NBEA: variants seen among roughly 807,000 people sequenced by gnomAD.
NBEA encodes the protein neurobeachin.
In NBEA, 44 loss-of-function variants were observed where a neutral mutation model predicts 343.4. The observed-to-expected ratio is 0.13, with a 90% CI of 0.10 to 0.16. The LOEUF (loss-of-function observed/expected upper bound fraction) is 0.16. Ranked by LOEUF, NBEA falls within the 10% of genes least tolerant of loss-of-function variation. The pLI, the probability that NBEA is intolerant of heterozygous loss-of-function variation, is 1.00. For missense variants in NBEA, 2,555 were observed against 3,631.3 expected (o/e 0.70, Z 7.62); for synonymous variants, 1,175 against 1,238.7 (o/e 0.95, Z 1.08).
Position 35,468,108 on chromosome 13 carries a change from A to ACCCC in NBEA, c.6449-4285_6449-4282dup, listed in dbSNP as rs1346379931. Among the ~76,000 whole-genome samples, 116 of 81,286 alleles carry ACCCC rather than the reference A, an allele frequency of 1.4e-3. 2 individuals are homozygous for ACCCC. Among genetic ancestry groups the ACCCC allele is most frequent in the Middle Eastern group, 7.6e-3 (1 of 132 alleles). The allele number at this position is 81,286 out of a possible 152,430, so 53.3% of individuals were successfully genotyped here. On this transcript the variant is annotated intron_variant, in intron 40 of 58. Coordinates refer to ENST00000379939, the MANE Select transcript of NBEA (RefSeq NM_001385012.1). ...GTACCCCCTCCTGAAAATGATTTAC[A>ACCCC]CCCCCCCCCCACTCCCCTCCCCTGA... is the stretch of plus-strand genomic sequence containing the variant.
At chr13:34,977,127 A>G (rs1248687705) in intron 1 of NBEA, among the ~76,000 whole-genome samples, 1 of 151,626 alleles carries the variant, frequency 6.6e-6, no homozygotes. Flanking sequence ...TTTAGTAGAG[A>G]TGATATTTCT....
intron 45 of NBEA, among the ~76,000 whole-genome samples, chr13:35,581,454 C>G (rs1045258652): frequency 1.1e-4 from 16 of 151,810 alleles, no homozygotes; most frequent in African/African-American, 3.6e-4. Flanking sequence ...CCTTCGCCCA[C>G]TTTTTGATGG....
intron 38 of NBEA, among the ~76,000 whole-genome samples, chr13:35,388,855 C>T (rs1397510888): frequency 6.6e-6 from 1 of 152,136 alleles, no homozygotes; most frequent in Non-Finnish European, 1.5e-5. Context: ...ATTTTCTCCT[C>T]ATAATTCTAT....
chr13:35,338,252 G>A (rs930393409), intron 36 of NBEA, among the ~76,000 whole-genome samples: 190 of 151,612 alleles, frequency 1.3e-3, no homozygotes, highest in Non-Finnish European at 1.6e-3. Context: ...CACTAAAATC[G>A]GGAATGAAAG....
At chr13:35,425,880 T>C (rs371239550) in intron 38 of NBEA, among the ~76,000 whole-genome samples, 2 of 152,208 alleles carry the variant, frequency 1.3e-5, no homozygotes, top group Non-Finnish European at 2.9e-5. Flanking sequence ...CTTGTTGAAT[T>C]GATCCCTTTA....
At chr13:35,455,613 T>G (rs114181139) in intron 40 of NBEA, among the ~76,000 whole-genome samples, 226 of 152,260 alleles carry the variant, frequency 1.5e-3, no homozygotes, top group African/African-American at 5.3e-3. Context: ...AAAACTATTT[T>G]CCTTATAGCT....
intron 41 of NBEA, among the ~76,000 whole-genome samples, chr13:35,539,748 C>G (rs71438067): frequency 1.9e-4 from 29 of 150,860 alleles, no homozygotes; most frequent in African/African-American, 6.6e-4. Context: ...AACCCCGTCT[C>G]TACTAAAAAT....
intron 41 of NBEA, among the ~76,000 whole-genome samples, chr13:35,484,370 T>C (rs1406714839): frequency 6.6e-6 from 1 of 151,552 alleles, no homozygotes; most frequent in Admixed American, 6.6e-5. Flanking sequence ...AACCTTAACC[T>C]GCATTTGATA....
intron 38 of NBEA, among the ~76,000 whole-genome samples, chr13:35,404,201 C>T (rs1289883711): frequency 6.6e-6 from 1 of 152,044 alleles, no homozygotes; most frequent in Non-Finnish European, 1.5e-5. Flanking sequence ...GTGGCGATTC[C>T]TCAGGGATCT....
chr13:35,369,263 T>C (rs1350777471), intron 38 of NBEA, among the ~76,000 whole-genome samples: 1 of 151,194 alleles, frequency 6.6e-6, no homozygotes, highest in Non-Finnish European at 1.5e-5. Context: ...TTCTGTTCCA[T>C]TGGTCTATGC....
intron 1 of NBEA, among the ~76,000 whole-genome samples, chr13:35,025,894 AGTT>A (rs1566179299): frequency 6.6e-6 from 1 of 151,990 alleles, no homozygotes; most frequent in Non-Finnish European, 1.5e-5. Flanking sequence ...TGACATGCTG[AGTT>A]GTTTGGAAAA....
chr13:35,020,432 G>A (rs1228324851), intron 1 of NBEA, among the ~76,000 whole-genome samples: 1 of 151,896 alleles, frequency 6.6e-6, no homozygotes, highest in Non-Finnish European at 1.5e-5. Flanking sequence ...TTTCTTGTAC[G>A]CTTTTAGAAG....
At chr13:35,406,978 T>C (rs1278134544) in intron 38 of NBEA, among the ~76,000 whole-genome samples, 2 of 150,744 alleles carry the variant, frequency 1.3e-5, no homozygotes, top group Admixed American at 6.6e-5. Flanking sequence ...TTTTTTTTTT[T>C]AGACAGAGTC....
chr13:35,335,685 TATTAATGTTA>T (rs939464972), intron 36 of NBEA, among the ~76,000 whole-genome samples: 2 of 151,734 alleles, frequency 1.3e-5, no homozygotes, highest in Admixed American at 6.6e-5. Context: ...ATTACACATA[TATTAATGTTA>T]ATTAATGTTA....
At chr13:35,140,131 T>A (rs2068005979) in intron 17 of NBEA, among the ~76,000 whole-genome samples, 1 of 151,954 alleles carries the variant, frequency 6.6e-6, no homozygotes, top group Admixed American at 6.6e-5. Flanking sequence ...ATTCTCCCCT[T>A]CTTGAGTAAC....
At chr13:35,204,260 AC>A (rs2073222533) in intron 31 of NBEA, among the ~76,000 whole-genome samples, 1 of 152,116 alleles carries the variant, frequency 6.6e-6, no homozygotes, top group South Asian at 2.1e-4. Flanking sequence ...ATGATCTGTG[AC>A]TGTATTAGTT....
chr13:35,358,266 T>G (rs1205572749), intron 38 of NBEA, among the ~76,000 whole-genome samples: 1 of 151,092 alleles, frequency 6.6e-6, no homozygotes, highest in Non-Finnish European at 1.5e-5. Context: ...TCAAGTGATC[T>G]GCCCGCCTCA....
At chr13:35,487,267 T>G (rs192667437) in intron 41 of NBEA, among the ~76,000 whole-genome samples, 332 of 152,054 alleles carry the variant, frequency 2.2e-3, no homozygotes, top group Non-Finnish European at 3.0e-3. Flanking sequence ...TAAAGACTAT[T>G]TTATGTACTG....
chr13:35,470,329 A>G (rs1193225731), intron 40 of NBEA, among the ~76,000 whole-genome samples: 3 of 152,156 alleles, frequency 2.0e-5, no homozygotes, highest in Non-Finnish European at 4.4e-5. Flanking sequence ...TAAAATTTGT[A>G]ATGTATTTCA....
Sources: allele counts gnomAD v4.1 joint callset (sites outside exome capture counted in the v4.1 genomes callset), GRCh38; gene constraint gnomAD v4.1.1; transcripts MANE v1.5; gene names NCBI Gene and HGNC (gene_info 2026-07-23, HGNC 2026-07-21).